SHISA6: variants seen among roughly 807,000 people sequenced by gnomAD.
SHISA6 encodes the protein shisa family member 6, also known as protein shisa-6.
Under a neutral mutation model 47.9 loss-of-function variants are expected in SHISA6, and 22 were observed. The ratio of observed to expected loss-of-function variants is 0.46; its 90% CI spans 0.33 to 0.66. The LOEUF (loss-of-function observed/expected upper bound fraction) is 0.66, where lower values mean the gene tolerates loss of function less well. Ranked by LOEUF, SHISA6 falls within the 30% of genes least tolerant of loss-of-function variation. SHISA6 has a pLI of 0.02. For missense variants in SHISA6, 680 were observed against 764.6 expected (o/e 0.89, Z 1.30); for synonymous variants, 388 against 337.8 (o/e 1.15, Z -1.63).
intron 2 of SHISA6, among the ~76,000 whole-genome samples, chr17:11,330,224 A>G (rs1040008120): frequency 6.6e-6 from 1 of 152,086 alleles, no homozygotes; most frequent in Non-Finnish European, 1.5e-5. Context: ...TAACCAGACC[A>G]TGGTCACGTG....
At chr17:11,390,386 T>C (rs1353466213) in intron 3 of SHISA6, among the ~76,000 whole-genome samples, 1 of 152,124 alleles carries the variant, frequency 6.6e-6, no homozygotes, top group Non-Finnish European at 1.5e-5. Flanking sequence ...CAAGCAATGG[T>C]AGCCCTTCAT....
rs557647707 is a variant in SHISA6 at position 11,560,890 on chromosome 17, G to A, written c.*2586G>A. 9 of 151,968 alleles carry A rather than the reference G, an allele frequency of 5.9e-5. No individual in the cohort carries two copies. In the East Asian group the frequency reaches 1.7e-3, roughly 30 times the overall value. 9.4% of individuals were successfully genotyped at this position (151,968 alleles called of 1,614,324 possible). A position where few individuals can be genotyped will look rare whatever the true frequency, so the allele number is the denominator to read the frequency against. On this transcript the variant is annotated 3_prime_UTR_variant, in exon 6 of 6. Transcript: ENST00000441885. ...CAAGGATTTCTTCTGCTTCACCTTT[G>A]GGTCTAGAAGCAAGGAATGAAGGGA...
chr17:11,316,413 CTCTCTCT>C (rs375268051), intron 2 of SHISA6, among the ~76,000 whole-genome samples: 69 of 87,812 alleles, frequency 7.9e-4, no homozygotes, highest in African/African-American at 2.2e-3. Flanking sequence ...CTCTCTCTCT[CTCTCTCT>C]TTTTTTTTTT....
chr17:11,388,886 G>T (rs72807133), intron 3 of SHISA6, among the ~76,000 whole-genome samples: 1 of 142,254 alleles, frequency 7.0e-6, no homozygotes, highest in African/African-American at 2.6e-5. Context: ...TTTCTCAGTC[G>T]GGTAGTTCTG....
At chr17:11,504,631 A>G (rs369236644) in intron 3 of SHISA6, among the ~76,000 whole-genome samples, 3 of 152,318 alleles carry the variant, frequency 2.0e-5, no homozygotes, top group South Asian at 2.1e-4. Flanking sequence ...AAAGGAATGG[A>G]AAGTTTATTT....
intron 3 of SHISA6, among the ~76,000 whole-genome samples, chr17:11,475,397 TG>T (rs1474549770): frequency 6.6e-6 from 1 of 152,144 alleles, no homozygotes; most frequent in Non-Finnish European, 1.5e-5. Context: ...TATCATTGAA[TG>T]TGATGTTAGC....
At chr17:11,374,343 C>G (rs1912721571) in intron 2 of SHISA6, among the ~76,000 whole-genome samples, 2 of 151,854 alleles carry the variant, frequency 1.3e-5, no homozygotes, top group Admixed American at 1.3e-4. Context: ...TTTGATGTAC[C>G]ACAGTTTAAA....
chr17:11,241,606 G>T lies in SHISA6; in HGVS notation c.184G>T (p.Ala62Ser). ...ARGGRELNGT[A>S]RAPGIPEAGS... is the part of the protein sequence containing the mutation. ...GGGCGGCCGCGAGCTGAACGGCACC[G>T]CCCGGGCGCCCGGAATCCCGGAGGC... The change falls in exon 1 of 6, where the codon GCC becomes TCC. Residue 62 changes from alanine to serine, a missense_variant. Ala to Ser is a moderately conservative substitution (Grantham distance 99). Transcript: ENST00000441885. The surrounding 1 kb of genome is among the most constrained non-coding windows in gnomAD (Gnocchi z 5.5). The T allele has an allele frequency of 1.5e-5, 19 of 1,296,486 alleles. No individual in the cohort carries two copies. In the South Asian group the frequency reaches 2.9e-4, roughly 20 times the overall value. 80.3% of individuals were successfully genotyped at this position (1,296,486 alleles called of 1,614,324 possible). A position where few individuals can be genotyped will look rare whatever the true frequency, so the allele number is the denominator to read the frequency against.
At chr17:11,281,195 A>G (rs1909107648) in intron 2 of SHISA6, among the ~76,000 whole-genome samples, 1 of 152,138 alleles carries the variant, frequency 6.6e-6, no homozygotes, top group South Asian at 2.1e-4. Context: ...TGTATATAAT[A>G]TATCATGTAT....
intron 2 of SHISA6, among the ~76,000 whole-genome samples, chr17:11,297,340 A>AT (rs778235151): frequency 6.6e-6 from 1 of 152,086 alleles, no homozygotes; most frequent in East Asian, 1.9e-4. Flanking sequence ...AAGAAAGGTT[A>AT]TTTCCTCTGC....
intron 1 of SHISA6, among the ~76,000 whole-genome samples, chr17:11,258,490 T>G (rs137894381): frequency 0.018 from 2,773 of 152,338 alleles, 89 homozygotes; most frequent in African/African-American, 0.064. Context: ...TTTGACCATC[T>G]GTTCAGCGAA....
chr17:11,357,187 C>CAAAAA (rs60564976), intron 2 of SHISA6, among the ~76,000 whole-genome samples: 6,281 of 89,786 alleles, frequency 0.07, 620 homozygotes, highest in East Asian at 0.15. Context: ...GACTCCGTCT[C>CAAAAA]AAAAAAAAAA....
chr17:11,490,860 C>T (rs1916457708), intron 3 of SHISA6, among the ~76,000 whole-genome samples: 1 of 152,242 alleles, frequency 6.6e-6, no homozygotes, highest in Non-Finnish European at 1.5e-5. Context: ...GCCCATCTGA[C>T]TGATGACTCA....
chr17:11,442,031 T>C, intron 3 of SHISA6, among the ~76,000 whole-genome samples: 1 of 152,174 alleles, frequency 6.6e-6, no homozygotes, highest in Non-Finnish European at 1.5e-5. Flanking sequence ...GCCCCTCTCC[T>C]TTTAGTGGAG....
intron 2 of SHISA6, among the ~76,000 whole-genome samples, chr17:11,300,454 T>C (rs991443341): frequency 6.6e-6 from 1 of 152,128 alleles, no homozygotes; most frequent in African/African-American, 2.4e-5. Context: ...TTCTCAACAC[T>C]GTTTTCCAGG....
chr17:11,323,291 A>G (rs951065441), intron 2 of SHISA6, among the ~76,000 whole-genome samples: 5 of 152,154 alleles, frequency 3.3e-5, no homozygotes, highest in African/African-American at 1.2e-4. Context: ...TATGATACAA[A>G]TAAGGAACCT....
At chr17:11,328,774 G>C (rs531260976) in intron 2 of SHISA6, among the ~76,000 whole-genome samples, 1 of 152,138 alleles carries the variant, frequency 6.6e-6, no homozygotes, top group African/African-American at 2.4e-5. Flanking sequence ...TGATGGAGAA[G>C]AAACAAAGAA....
In SHISA6 at chr17:11,263,519, G is replaced by A; in HGVS notation, c.792G>A (p.Gln264=). ...NHYTPVRTAK[Q]TPGHYGKDAY... Reference sequence around the variant, plus strand: ...ACACTCCTGTGCGTACGGCCAAGCAGACTCCAGGTAAGTAACAGCTGGGCA... The same window carrying A: ...ACACTCCTGTGCGTACGGCCAAGCAAACTCCAGGTAAGTAACAGCTGGGCA... Residue 264 remains glutamine (Q), a synonymous_variant, in exon 2 of 6, where the codon CAG becomes CAA. Transcript: ENST00000441885. 6.4e-7 allele frequency: 1 copy of A among 1,551,678 alleles called. No individual in the cohort carries two copies. The highest frequency in any genetic ancestry group is 1.4e-5 in the African/African-American group (1 of 73,172).
intron 3 of SHISA6, among the ~76,000 whole-genome samples, chr17:11,520,574 T>C (rs1176204660): frequency 6.6e-6 from 1 of 152,124 alleles, no homozygotes; most frequent in African/African-American, 2.4e-5. Context: ...ACACTGATCA[T>C]TTCAGTGTTG....
Sources: allele counts gnomAD v4.1 joint callset (sites outside exome capture counted in the v4.1 genomes callset), GRCh38; gene constraint gnomAD v4.1.1; non-coding constraint Gnocchi (gnomAD v3.1); transcripts MANE v1.5; gene names NCBI Gene and HGNC (gene_info 2026-07-23, HGNC 2026-07-21).